The following CCDC102B variants were observed in gnomAD, a reference collection of about 807,000 sequenced individuals.
CCDC102B encodes coiled-coil domain containing 102B, also known as coiled-coil domain-containing protein 102B.
In CCDC102B, 75 loss-of-function variants were observed where a neutral mutation model predicts 57.4. The observed-to-expected ratio is 1.31, with a 90% CI of 1.08 to 1.58. The LOEUF is 1.58. CCDC102B is among the 40% of genes most tolerant of loss of function. The pLI is 0.00. For missense variants in CCDC102B, 636 were observed against 582.6 expected, an observed-to-expected ratio of 1.09 and a Z score of -0.94; for synonymous variants, 206 against 201.9, an observed-to-expected ratio of 1.02 and a Z score of -0.17.
intron 6 of CCDC102B, among the ~76,000 whole-genome samples, chr18:68,998,080 A>G (rs527880983): frequency 9.2e-5 from 14 of 152,020 alleles, no homozygotes; most frequent in African/African-American, 2.9e-4. Flanking sequence ...TCACTTGGCA[A>G]TTAGGGTGAT....
chr18:69,042,755 A>G (rs1267296251), intron 7 of CCDC102B, among the ~76,000 whole-genome samples: 1 of 152,042 alleles, frequency 6.6e-6, no homozygotes, highest in African/African-American at 2.4e-5. Context: ...AAGAAATATG[A>G]CAAGTAATAT....
intron 5 of CCDC102B, among the ~76,000 whole-genome samples, chr18:68,888,832 T>G (rs896063299): frequency 6.6e-6 from 1 of 152,206 alleles, no homozygotes; most frequent in African/African-American, 2.4e-5. Context: ...ATACTCACTT[T>G]GAAGTTAGTA....
At chr18:68,870,490 G>A (rs752298334) in intron 4 of CCDC102B, among the ~76,000 whole-genome samples, 4 of 152,120 alleles carry the variant, frequency 2.6e-5, no homozygotes, top group East Asian at 1.9e-4. Context: ...CAAGATACAC[G>A]AGAGAAACAA....
chr18:68,915,108 T>G (rs919235813), intron 6 of CCDC102B, among the ~76,000 whole-genome samples: 2 of 152,218 alleles, frequency 1.3e-5, no homozygotes, highest in African/African-American at 4.8e-5. Flanking sequence ...TTATATATCT[T>G]CTAGTTACAT....
At chr18:69,016,612 A>C (rs2051676225) in intron 7 of CCDC102B, among the ~76,000 whole-genome samples, 1 of 152,192 alleles carries the variant, frequency 6.6e-6, no homozygotes, top group East Asian at 1.9e-4. Flanking sequence ...ACTGTTGCAA[A>C]TAATATTACA....
In CCDC102B at chr18:68,987,798, G is replaced by C. The variant is rs2050762264; in HGVS notation, c.1264-23136G>C. Among the ~76,000 whole-genome samples the C allele has an allele frequency of 2.0e-5, 3 of 152,076 alleles. No homozygotes were observed. The South Asian group carries it at 6.2e-4, about 32-fold the overall frequency. The stretch of plus-strand genomic sequence containing the variant: ...GGCCAAAAAAAACCATGAAAAAAAT[G>C]CTCCTAATCACTAATCATCAGAGAA... On this transcript the variant is annotated intron_variant, in intron 6 of 7. Transcript: ENST00000360242.
At chr18:68,980,815 A>G (rs983889190) in intron 6 of CCDC102B, among the ~76,000 whole-genome samples, 9 of 152,024 alleles carry the variant, frequency 5.9e-5, no homozygotes, top group Admixed American at 3.9e-4. Context: ...AGAGTTGACA[A>G]TGAGTCCAGT....
intron 4 of CCDC102B, among the ~76,000 whole-genome samples, chr18:68,863,976 G>T (rs2038868601): frequency 6.6e-6 from 1 of 151,920 alleles, no homozygotes; most frequent in South Asian, 2.1e-4. Flanking sequence ...TTTCTTTAGA[G>T]TCCAGGGTTC....
upstream of CCDC102B, among the ~76,000 whole-genome samples, chr18:68,794,612 T>A (rs1468030374): frequency 6.6e-6 from 1 of 152,074 alleles, no homozygotes; most frequent in Non-Finnish European, 1.5e-5. Flanking sequence ...GCTGAGTACC[T>A]CAAGACATTA....
chr18:68,843,564 G>T (rs1568282802), intron 3 of CCDC102B, among the ~76,000 whole-genome samples: 1 of 151,682 alleles, frequency 6.6e-6, no homozygotes, highest in Non-Finnish European at 1.5e-5. Context: ...AATAATTTTG[G>T]TTCACATTTT....
In CCDC102B at chr18:68,766,113, A is replaced by G. The variant is rs114370947; in HGVS notation, c.-67+49519A>G. On this transcript the variant is annotated intron_variant, in intron 2 of 3. Transcript: ENST00000578970. ...AATTATTTTGATTCCTATTTTTGCA[A>G]TGTCTAAGTTTATTCTTAAATATCA... 3.1e-3 allele frequency among the ~76,000 whole-genome samples: 466 copies of G among 152,282 alleles called. 2 individuals are homozygous for G. Among genetic ancestry groups the G allele is most frequent in the African/African-American group, 0.011 (440 of 41,578 alleles).
intron 6 of CCDC102B, among the ~76,000 whole-genome samples, chr18:68,899,329 A>AT (rs984074319): frequency 3.9e-5 from 6 of 152,030 alleles, no homozygotes; most frequent in African/African-American, 1.4e-4. Context: ...AATAATGTAG[A>AT]TTTTATCATA....
chr18:68,719,469 G>C (rs1388968899), intron 2 of CCDC102B, among the ~76,000 whole-genome samples: 1 of 152,160 alleles, frequency 6.6e-6, no homozygotes, highest in Non-Finnish European at 1.5e-5. Context: ...CAAAGCCCAA[G>C]AACCAGGAGT....
At chr18:69,040,646 A>G (rs1412362012) in intron 7 of CCDC102B, among the ~76,000 whole-genome samples, 1 of 152,006 alleles carries the variant, frequency 6.6e-6, no homozygotes, top group Non-Finnish European at 1.5e-5. Context: ...TGTTGATTTT[A>G]TCACTCTGTA....
intron 2 of CCDC102B, among the ~76,000 whole-genome samples, chr18:68,772,489 C>T (rs1246536546): frequency 6.6e-6 from 1 of 152,106 alleles, no homozygotes; most frequent in Non-Finnish European, 1.5e-5. Context: ...GCTTGGCTCT[C>T]TTCATAAGAT....
intron 6 of CCDC102B, among the ~76,000 whole-genome samples, chr18:68,964,626 T>C (rs1460604648): frequency 6.6e-6 from 1 of 151,920 alleles, no homozygotes; most frequent in Non-Finnish European, 1.5e-5. Context: ...GTTTCTCTTT[T>C]AAACTATGTC....
intron 5 of CCDC102B, among the ~76,000 whole-genome samples, chr18:68,886,842 A>G (rs2039904233): frequency 6.6e-6 from 1 of 151,848 alleles, no homozygotes; most frequent in African/African-American, 2.4e-5. Flanking sequence ...TTTGACATTC[A>G]CTCATTTCAA....
Position 68,873,868 on chromosome 18 carries a change from CAATACAACAAAACAT to C in CCDC102B, c.937-799_937-785del, listed in dbSNP as rs1234124741. ...ACAAAACATAGCTTAAAATATATGT[CAATACAACAAAACAT>C]AGCTTAAAATATATGTCAATGCAAC... On this transcript the variant is annotated intron_variant, in intron 4 of 7. Transcript: ENST00000360242. Among the ~76,000 whole-genome samples the C allele has an allele frequency of 1.5e-4, 22 of 151,054 alleles. No individual in the cohort carries two copies. In the South Asian group the frequency reaches 4.0e-3, roughly 27 times the overall value.
rs537497256 is a variant in CCDC102B, at chr18:68,974,335, C to T, written c.1264-36599C>T. Among the ~76,000 whole-genome samples the T allele has an allele frequency of 2.6e-5, 4 of 152,178 alleles. No homozygotes were observed. In the East Asian group the frequency reaches 7.7e-4, roughly 29 times the overall value. On this transcript the variant is annotated intron_variant, in intron 6 of 7. Coordinates refer to ENST00000360242, the MANE Select transcript of CCDC102B (RefSeq NM_024781.3). ...GGACCATGTTAGAAACAAAGACACA[C>T]CCTAACGTGCCAGTGCCTTGATCCT...
Sources: gnomAD v4.1 joint callset for allele counts (sites outside exome capture counted in the v4.1 genomes callset) on GRCh38, gnomAD v4.1.1 for gene constraint, MANE v1.5 for transcripts, NCBI Gene and HGNC (gene_info 2026-07-23, HGNC 2026-07-21) for gene names.